PRR14L: variants seen among roughly 807,000 people sequenced by gnomAD.
PRR14L encodes protein PRR14L.
PRR14L carries 80 observed loss-of-function variants against 155.0 expected under a neutral mutation model. The observed-to-expected ratio is 0.52, with a 90% CI of 0.43 to 0.62. The LOEUF is 0.62. Ranked by LOEUF, PRR14L falls within the 20% of genes least tolerant of loss-of-function variation. PRR14L has a pLI of 0.00. For synonymous variants in PRR14L, 883 were observed against 916.0 expected (o/e 0.96, Z 0.65); for missense variants, 2,469 against 2,548.0 (o/e 0.97, Z 0.67).
chr22:31,711,645 G>A (rs536602908), intron 4 of PRR14L, among the ~76,000 whole-genome samples: 1 of 150,972 alleles, frequency 6.6e-6, no homozygotes, highest in South Asian at 2.1e-4. Context: ...TTAGCCGGGT[G>A]TGGTGGCGCA....
intron 4 of PRR14L, among the ~76,000 whole-genome samples, chr22:31,707,869 G>A (rs908541768): frequency 6.6e-6 from 1 of 152,150 alleles, no homozygotes; most frequent in Non-Finnish European, 1.5e-5. Flanking sequence ...AACTCTAAAG[G>A]CCGGGCGCGG....
At chr22:31,694,098 G>A (rs920824596) in intron 7 of PRR14L, among the ~76,000 whole-genome samples, 1 of 152,152 alleles carries the variant, frequency 6.6e-6, no homozygotes, top group African/African-American at 2.4e-5. Context: ...CCAACGTGGT[G>A]AAACCCTGTT....
At chr22:31,729,014 C>T (rs2074733611) in intron 2 of PRR14L, among the ~76,000 whole-genome samples, 1 of 152,154 alleles carries the variant, frequency 6.6e-6, no homozygotes, top group Non-Finnish European at 1.5e-5. Context: ...CCAATCTATT[C>T]CACATCCTTG....
chr22:31,698,121 TTCAAGCGA>T (rs2074544552), intron 7 of PRR14L, among the ~76,000 whole-genome samples: 1 of 149,918 alleles, frequency 6.7e-6, no homozygotes, highest in South Asian at 2.1e-4. Context: ...ACCTCCCGGG[TTCAAGCGA>T]TTCTCCTGCC....
At position 31,716,842 on chromosome 22, in the gene PRR14L, T is replaced by C. The variant is rs758817170; in HGVS notation, c.997A>G (p.Thr333Ala). 1.3e-6 allele frequency: 2 copies of C among 1,551,822 alleles called. No homozygotes were observed. The highest frequency in any genetic ancestry group is 3.9e-5 in the Admixed American group (2 of 50,988). ...TCAGAATTTTCTTTCAAAGGGCTTG[T>C]GGCTGTGGGACTATCATGTGTAGAA... ...PSSTHDSPTATSPLKENSEVS... is the reference protein window; with the variant it reads ...PSSTHDSPTAASPLKENSEVS... The change falls in exon 4 of 9, where the codon ACA (threonine) becomes GCA (alanine). Residue 333 changes from threonine to alanine, a missense_variant. Coordinates refer to ENST00000327423, the MANE Select transcript of PRR14L (RefSeq NM_173566.3).
chr22:31,713,747 G>A lies in PRR14L; in HGVS notation c.4092C>T (p.Gly1364=), dbSNP rs750368194. 5.2e-5 allele frequency: 80 copies of A among 1,552,220 alleles called. No homozygotes were observed. Among genetic ancestry groups the A allele is most frequent in the Admixed American group, 5.9e-5 (3 of 50,970 alleles). ...AGATGTTGCTCACGGGATCGCCATC[G>A]CCAGTTTCTCTGGTAACCAACTCCT... ...QSEELVTRET[G]DGDPVSNISQ... is the part of the protein sequence containing the mutation. Residue 1364 remains glycine (G), a synonymous_variant, in exon 4 of 9, where the codon GGC becomes GGT. Transcript: ENST00000327423.
At chr22:31,749,216 A>G (rs1040004100) in intron 1 of PRR14L, among the ~76,000 whole-genome samples, 1 of 152,176 alleles carries the variant, frequency 6.6e-6, no homozygotes, top group African/African-American at 2.4e-5. Context: ...TCAAGGTCAC[A>G]AAGACGTTAA....
At chr22:31,721,022 A>G (rs2074686490) in intron 3 of PRR14L, among the ~76,000 whole-genome samples, 1 of 152,250 alleles carries the variant, frequency 6.6e-6, no homozygotes, top group Non-Finnish European at 1.5e-5. Context: ...CTGAAAAACA[A>G]GATAAAACAA....
At position 31,717,309 on chromosome 22, in the gene PRR14L, A is replaced by C. The variant is rs1453270939; in HGVS notation, c.548-18T>G. The C allele has an allele frequency of 2.0e-6, 3 of 1,510,994 alleles. No homozygotes were observed. The allele number at this position is 1,510,994 out of a possible 1,614,324, so 93.6% of individuals were successfully genotyped here. A position where few individuals can be genotyped will look rare whatever the true frequency, so the allele number is the denominator to read the frequency against. On this transcript the variant is annotated intron_variant, in intron 3 of 8. Transcript: ENST00000327423. The stretch of plus-strand genomic sequence containing the variant: ...ATTTCCTTCTGAATAAGAGAAATAA[A>C]TCCAAATTAATATGCAGTAATAAAA...
intron 8 of PRR14L, 32 bp from the exon 9 acceptor site, chr22:31,685,835 G>T: frequency 1.3e-6 from 2 of 1,542,584 alleles, no homozygotes; most frequent in South Asian, 2.4e-5. Context: ...ATCACCAACA[G>T]ACTGACTCAC....
chr22:31,692,240 G>T (rs929055609), intron 7 of PRR14L, among the ~76,000 whole-genome samples: 7 of 151,902 alleles, frequency 4.6e-5, no homozygotes, highest in African/African-American at 1.7e-4. Flanking sequence ...TTCAGGAACT[G>T]CCAATTTTTT....
At chr22:31,706,000 C>CACA in intron 4 of PRR14L, among the ~76,000 whole-genome samples, 1 of 148,706 alleles carries the variant, frequency 6.7e-6, no homozygotes, top group East Asian at 2.0e-4. Context: ...GACTCTGTCT[C>CACA]AAAAACCAAA....
At chr22:31,698,890 C>T (rs1391092583) in intron 7 of PRR14L, among the ~76,000 whole-genome samples, 2 of 151,180 alleles carry the variant, frequency 1.3e-5, no homozygotes, top group Non-Finnish European at 2.9e-5. Context: ...CCACTGCACT[C>T]TAGCCTGGGC....
At chr22:31,699,923 C>T (rs1431963113) in intron 7 of PRR14L, among the ~76,000 whole-genome samples, 1 of 151,414 alleles carries the variant, frequency 6.6e-6, no homozygotes, top group African/African-American at 2.4e-5. Flanking sequence ...TATCAAAAGA[C>T]ATCCTAGGTT....
chr22:31,712,400 T>G lies in PRR14L; in HGVS notation c.5439A>C (p.Ala1813=). ...YGGTAIVQTR[A]DCSVLGLHTL... ...TGTGAAGGCCAAGGACAGAGCAGTC[T>G]GCTCTGGTCTGGACTATGGCAGTGC... The change falls in exon 4 of 9, where the codon GCA becomes GCC. Residue 1813 remains alanine, a synonymous_variant. Transcript: ENST00000327423. The G allele has an allele frequency of 6.3e-7, 1 of 1,593,416 alleles. No individual in the cohort carries two copies. The highest frequency in any genetic ancestry group is 8.6e-7 in the Non-Finnish European group (1 of 1,169,570).
chr22:31,708,130 C>T (rs1240938915), intron 4 of PRR14L, among the ~76,000 whole-genome samples: 1 of 151,556 alleles, frequency 6.6e-6, no homozygotes, highest in Non-Finnish European at 1.5e-5. Flanking sequence ...GCCTGGGCAA[C>T]AAGAGTGAAA....
At position 31,688,231 on chromosome 22, in the gene PRR14L, A is replaced by C; in HGVS notation, c.6108-4T>G. The C allele has an allele frequency of 6.3e-7, 1 of 1,576,812 alleles. No individual in the cohort carries two copies. The highest frequency in any genetic ancestry group is 8.6e-7 in the Non-Finnish European group (1 of 1,165,406). On this transcript the variant is annotated splice_region_variant and splice_polypyrimidine_tract_variant and intron_variant, in intron 7 of 8. Transcript: ENST00000327423. ...ACTAAACTCCTTCTTCTTTAACCTG[A>C]AAAGAAATAAGGAAAAAAATTCTTC...
Position 31,712,245 on chromosome 22 carries a change from G to A in PRR14L, c.5594C>T (p.Ser1865Phe). Residue 1865 changes from serine (S) to phenylalanine (F), a missense_variant, in exon 4 of 9, where the codon TCT becomes TTT. Physicochemically the swap from Ser to Phe is radical, Grantham distance 155. Coordinates refer to ENST00000327423, the MANE Select transcript of PRR14L (RefSeq NM_173566.3). ...QFTQGLKGLR[S>F]PASIADKVFC... The stretch of plus-strand genomic sequence containing the variant: ...GACCTTGTCTGCTATGGAGGCTGGA[G>A]ACCGTAACCCTTTCAGGCCCTGTGT... The A allele has an allele frequency of 1.9e-6, 3 of 1,614,202 alleles. No homozygotes were observed. Among genetic ancestry groups the A allele is most frequent in the Admixed American group, 1.7e-5 (1 of 60,020 alleles).
intron 7 of PRR14L, among the ~76,000 whole-genome samples, chr22:31,698,811 AC>A (rs1240740646): frequency 2.3e-4 from 34 of 150,728 alleles, no homozygotes; most frequent in Non-Finnish European, 2.8e-4. Context: ...AGTCCCAGCT[AC>A]TCGGGAGGCT....
Sources: gnomAD v4.1 joint callset for allele counts (sites outside exome capture counted in the v4.1 genomes callset) on GRCh38, gnomAD v4.1.1 for gene constraint, MANE v1.5 for transcripts, NCBI Gene and HGNC (gene_info 2026-07-23, HGNC 2026-07-21) for gene names.